The following NRG3 variants were observed in gnomAD, a reference collection of about 807,000 sequenced individuals.
NRG3 encodes the protein neuregulin 3, also known as pro-neuregulin-3, membrane-bound isoform.
In NRG3, 31 loss-of-function variants were observed where a neutral mutation model predicts 66.9. That is an observed-to-expected ratio of 0.46 (90% CI 0.35 to 0.63). The LOEUF is 0.63. Among genes scored for constraint, NRG3 ranks in the 20% least tolerant of loss-of-function variants. The pLI, the probability that NRG3 is intolerant of heterozygous loss-of-function variation, is 0.00. For synonymous variants in NRG3, 393 were observed against 359.4 expected, an observed-to-expected ratio of 1.09 and a Z score of -1.06; for missense variants, 910 against 878.9, an observed-to-expected ratio of 1.04 and a Z score of -0.45.
chr10:82,695,522 A>G (rs1308225410), intron 2 of NRG3, among the ~76,000 whole-genome samples: 1 of 152,102 alleles, frequency 6.6e-6, no homozygotes, highest in Non-Finnish European at 1.5e-5. Context: ...ATAGACTAAA[A>G]TATATTTTTA....
chr10:82,303,054 A>G (rs1287304442), intron 1 of NRG3, among the ~76,000 whole-genome samples: 5 of 152,174 alleles, frequency 3.3e-5, no homozygotes, highest in African/African-American at 1.2e-4. Context: ...TAGCATTAAT[A>G]ATCAAACACA....
At position 82,473,946 on chromosome 10, in the gene NRG3, G is replaced by A. The variant is rs73305836; in HGVS notation, c.953+115078G>A. ...ACAGCTAAGGCCCAGAGGAGAAGTA[G>A]GGGTGTGACTCTTAGATAAAATAAG... is the stretch of plus-strand genomic sequence containing the variant. On this transcript the variant is annotated intron_variant, in intron 2 of 8. Coordinates refer to ENST00000372141, the MANE Select transcript of NRG3 (RefSeq NM_001010848.4). Among the ~76,000 whole-genome samples, 235 of 152,166 alleles carry A rather than the reference G, an allele frequency of 1.5e-3. 1 individual carries two copies. Among genetic ancestry groups the A allele is most frequent in the African/African-American group, 5.5e-3 (227 of 41,524 alleles).
chr10:82,491,317 A>T lies in NRG3; in HGVS notation c.953+132449A>T, dbSNP rs868541413. On this transcript the variant is annotated intron_variant, in intron 2 of 8. Transcript: ENST00000372141. ...AAATATATATATATATATATATATA[A>T]AATAAAGATGCATCGCTTTCTAACA... is the stretch of plus-strand genomic sequence containing the variant. Among the ~76,000 whole-genome samples the T allele has an allele frequency of 1.7e-3, 57 of 32,876 alleles. 1 individual carries two copies. Among genetic ancestry groups the T allele is most frequent in the African/African-American group, 2.8e-3 (48 of 16,988 alleles). 21.6% of individuals were successfully genotyped at this position (32,876 alleles called of 152,430 possible).
chr10:82,144,682 T>G (rs1174036696), intron 1 of NRG3, among the ~76,000 whole-genome samples: 1 of 152,236 alleles, frequency 6.6e-6, no homozygotes, highest in Non-Finnish European at 1.5e-5. Flanking sequence ...CAATGTTTTG[T>G]AGCAGGGAAT....
Position 82,801,362 on chromosome 10 carries a change from G to C in NRG3, c.1027+62712G>C, listed in dbSNP as rs550366970. 2.0e-5 allele frequency among the ~76,000 whole-genome samples: 3 copies of C among 152,290 alleles called. No homozygotes were observed. The South Asian group carries it at 6.2e-4, about 32-fold the overall frequency. ...TATAGTTGAAGTGGTCACTCCATCA[G>C]CTTCCTTATGTGTTGGCAAGATAGT... On this transcript the variant is annotated intron_variant, in intron 3 of 8. Coordinates refer to ENST00000372141, the MANE Select transcript of NRG3 (RefSeq NM_001010848.4).
At chr10:81,899,790 G>A (rs1252484107) in intron 1 of NRG3, among the ~76,000 whole-genome samples, 2 of 152,090 alleles carry the variant, frequency 1.3e-5, no homozygotes, top group Admixed American at 6.5e-5. Context: ...TAAACACTCG[G>A]GCGAAGTCTG....
chr10:82,170,635 G>T (rs1331191699), intron 1 of NRG3, among the ~76,000 whole-genome samples: 1 of 115,876 alleles, frequency 8.6e-6, no homozygotes, highest in African/African-American at 3.1e-5. Flanking sequence ...TGAATGAGAT[G>T]ATGTTTATAA....
At chr10:82,090,755 C>CTG (rs72517609) in intron 1 of NRG3, among the ~76,000 whole-genome samples, 116,688 of 151,962 alleles carry the variant, frequency 0.77, 44,870 homozygotes, top group Non-Finnish European at 0.79. Flanking sequence ...CATTTGAACT[C>CTG]TATATCTGAA....
intron 1 of NRG3, among the ~76,000 whole-genome samples, chr10:82,195,520 C>T (rs908516091): frequency 7.2e-5 from 11 of 152,054 alleles, no homozygotes; most frequent in Non-Finnish European, 1.3e-4. Context: ...AAGCTCCCCC[C>T]ACCATATCTC....
rs532779896 is a variant in NRG3 at position 82,576,632 on chromosome 10, T to C, written c.954-161945T>C. On this transcript the variant is annotated intron_variant, in intron 2 of 8. Transcript: ENST00000372141. ...ATTCAGCATAGTTACTTCTTTGATA[T>C]TGTTTTGAAGAACTTGATGTGCTAG... Among the ~76,000 whole-genome samples, 16 of 151,918 alleles carry C rather than the reference T, an allele frequency of 1.1e-4. No individual in the cohort carries two copies. In the East Asian group the frequency reaches 2.7e-3, roughly 26 times the overall value.
At chr10:81,880,256 A>G (rs1474562009) in intron 1 of NRG3, among the ~76,000 whole-genome samples, 2 of 152,156 alleles carry the variant, frequency 1.3e-5, no homozygotes, top group African/African-American at 4.8e-5. Context: ...CCGTGCATTA[A>G]GACAATGCGG....
intron 3 of NRG3, among the ~76,000 whole-genome samples, chr10:82,863,340 T>G (rs2064239448): frequency 6.6e-6 from 1 of 152,250 alleles, no homozygotes; most frequent in Non-Finnish European, 1.5e-5. Context: ...TGTGTCTTTA[T>G]AGCAGAATGA....
chr10:82,473,867 T>C lies in NRG3; in HGVS notation c.953+114999T>C, dbSNP rs553060833. 3.3e-5 allele frequency among the ~76,000 whole-genome samples: 5 copies of C among 152,210 alleles called. No individual in the cohort carries two copies. In the South Asian group the frequency reaches 1.0e-3, roughly 32 times the overall value. On this transcript the variant is annotated intron_variant, in intron 2 of 8. Coordinates refer to ENST00000372141, the MANE Select transcript of NRG3 (RefSeq NM_001010848.4). ...ATGCCTCATGAAAACTGCAAGGAGC[T>C]ACAAACGTGAAGACCCCTGAGACAA...
intron 1 of NRG3, among the ~76,000 whole-genome samples, chr10:82,250,050 C>T (rs999198444): frequency 3.9e-5 from 6 of 152,216 alleles, no homozygotes; most frequent in Admixed American, 6.5e-5. Flanking sequence ...GCTTGTTATC[C>T]CCCAGAGCCA....
At chr10:81,960,942 C>T (rs1322889957) in intron 1 of NRG3, among the ~76,000 whole-genome samples, 5 of 152,156 alleles carry the variant, frequency 3.3e-5, no homozygotes, top group Non-Finnish European at 7.3e-5. Flanking sequence ...AATCCTTCTT[C>T]TCTGCATGAC....
chr10:81,941,876 T>G (rs1322501697), intron 1 of NRG3, among the ~76,000 whole-genome samples: 1 of 152,122 alleles, frequency 6.6e-6, no homozygotes, highest in Admixed American at 6.6e-5. Flanking sequence ...CATATTGAAC[T>G]TCTGCATTAG....
chr10:82,395,723 C>G (rs982160599), intron 2 of NRG3, among the ~76,000 whole-genome samples: 1 of 152,130 alleles, frequency 6.6e-6, no homozygotes, highest in African/African-American at 2.4e-5. Context: ...TCTATCCACC[C>G]ATTCATCCAC....
At chr10:82,193,086 A>C (rs954494240) in intron 1 of NRG3, among the ~76,000 whole-genome samples, 8 of 152,124 alleles carry the variant, frequency 5.3e-5, no homozygotes, top group Non-Finnish European at 8.8e-5. Context: ...TATTTATTAT[A>C]AGTGCAATGG....
At chr10:82,183,470 T>C (rs1400821909) in intron 1 of NRG3, among the ~76,000 whole-genome samples, 1 of 152,108 alleles carries the variant, frequency 6.6e-6, no homozygotes, top group Non-Finnish European at 1.5e-5. Context: ...TATTGCATTC[T>C]TCAGGTGCAA....
Sources: allele counts gnomAD v4.1 joint callset (sites outside exome capture counted in the v4.1 genomes callset), GRCh38; gene constraint gnomAD v4.1.1; transcripts MANE v1.5; gene names NCBI Gene and HGNC (gene_info 2026-07-23, HGNC 2026-07-21).